Variants in RARB observed in about 807,000 individuals in gnomAD.
RARB encodes HBV-activated protein.
A neutral mutation model predicts 51.9 loss-of-function variants in RARB; 17 were observed. The ratio of observed to expected loss-of-function variants is 0.33; its 90% CI spans 0.22 to 0.49. RARB has a LOEUF of 0.49. Ranked by LOEUF, RARB falls within the 20% of genes least tolerant of loss-of-function variation. The pLI is 0.99. For synonymous variants in RARB, 215 were observed against 195.4 expected (o/e 1.10, Z -0.84); for missense variants, 369 against 550.8 (o/e 0.67, Z 3.30).
chr3:25,557,777 A>C (rs1575517433), intron 3 of RARB, among the ~76,000 whole-genome samples: 1 of 152,112 alleles, frequency 6.6e-6, no homozygotes, highest in East Asian at 1.9e-4. Flanking sequence ...TAATAAACTT[A>C]AAAGCCAAGT....
rs141198363 is a variant in RARB, at chr3:24,968,310, G to A, written c.-379-91815G>A. Among the ~76,000 whole-genome samples, 1,150 of 152,216 alleles carry A rather than the reference G, an allele frequency of 7.6e-3. 14 individuals carry two copies. The highest frequency in any genetic ancestry group is 0.013 in the Admixed American group (201 of 15,272). On this transcript the variant is annotated intron_variant, in intron 2 of 11. Transcript: ENST00000383772. ...TCCCTGAGGCAATGTTCCCTGTAATGACTGGGTACAAGATCTTCATTCTTT... is the reference window on the plus strand; with the variant it reads ...TCCCTGAGGCAATGTTCCCTGTAATAACTGGGTACAAGATCTTCATTCTTT...
At chr3:25,501,105 A>G (rs1697289251) in intron 2 of RARB, 77 bp from the exon 3 acceptor site, 3 of 1,483,550 alleles carry the variant, frequency 2.0e-6, no homozygotes, top group Non-Finnish European at 1.8e-6. Flanking sequence ...CAATTAATGC[A>G]TTGATAAGGT....
chr3:25,308,041 T>C (rs1039483914), intron 5 of RARB, among the ~76,000 whole-genome samples: 2 of 152,228 alleles, frequency 1.3e-5, no homozygotes, highest in Non-Finnish European at 2.9e-5. Context: ...AGGATTGTGT[T>C]CCTCTGAAAC....
intron 2 of RARB, among the ~76,000 whole-genome samples, chr3:24,912,960 C>T (rs1232910894): frequency 8.9e-6 from 1 of 112,320 alleles, no homozygotes; most frequent in African/African-American, 2.9e-5. Flanking sequence ...GCAATACGCA[C>T]ACAAGGTACT....
At chr3:25,432,847 C>G (rs1708263822) in intron 1 of RARB, among the ~76,000 whole-genome samples, 2 of 152,096 alleles carry the variant, frequency 1.3e-5, no homozygotes, top group Admixed American at 6.5e-5. Context: ...TTTTAAGTTA[C>G]TCTTTGGGCA....
chr3:25,225,831 G>A (rs552401931), intron 5 of RARB, among the ~76,000 whole-genome samples: 16 of 152,206 alleles, frequency 1.1e-4, no homozygotes, highest in African/African-American at 3.9e-4. Context: ...TCTTTGATTG[G>A]ACCTTAAAAA....
chr3:25,331,852 G>C (rs536138465), intron 5 of RARB, among the ~76,000 whole-genome samples: 177 of 152,164 alleles, frequency 1.2e-3, no homozygotes, highest in African/African-American at 3.6e-3. Flanking sequence ...TATCACCACC[G>C]ATCCCACAGA....
At chr3:25,130,234 T>C (rs1296689269) in intron 3 of RARB, among the ~76,000 whole-genome samples, 2 of 152,066 alleles carry the variant, frequency 1.3e-5, no homozygotes, top group South Asian at 2.1e-4. Context: ...CTTTTACACA[T>C]GGTTTTCACT....
chr3:24,970,396 G>A (rs1397456998), intron 2 of RARB, among the ~76,000 whole-genome samples: 2 of 151,988 alleles, frequency 1.3e-5, no homozygotes, highest in African/African-American at 4.8e-5. Flanking sequence ...AACCAGACAA[G>A]AAGACAATTC....
chr3:25,121,853 G>A (rs1056261766), intron 3 of RARB, among the ~76,000 whole-genome samples: 1 of 152,140 alleles, frequency 6.6e-6, no homozygotes, highest in African/African-American at 2.4e-5. Flanking sequence ...AAGACCATTT[G>A]GAGGTTCATT....
intron 4 of RARB, among the ~76,000 whole-genome samples, chr3:25,153,926 T>A (rs1407851934): frequency 6.6e-6 from 1 of 152,254 alleles, no homozygotes; most frequent in African/African-American, 2.4e-5. Context: ...GGAGCTCAGA[T>A]CCTGTTGACA....
At chr3:25,176,342 C>CTTCTTTCTTTCTTTCTTTCTTTCTTTCT (rs1559493189) in intron 5 of RARB, among the ~76,000 whole-genome samples, 2 of 52,360 alleles carry the variant, frequency 3.8e-5, no homozygotes, top group Non-Finnish European at 8.2e-5. Flanking sequence ...TCTTTCCTTC[C>CTTCTTTCTTTCTTTCTTTCTTTCTTTCT]TTCCTTCCTT....
intron 5 of RARB, among the ~76,000 whole-genome samples, chr3:25,593,193 G>A (rs1701681210): frequency 6.6e-6 from 1 of 151,192 alleles, no homozygotes; most frequent in Non-Finnish European, 1.5e-5. Flanking sequence ...CCAGCACCTG[G>A]CACAGTGCCT....
At chr3:25,582,802 C>CCTTGGTGAAGTTATTTAA (rs1187115690) in intron 5 of RARB, among the ~76,000 whole-genome samples, 1 of 152,098 alleles carries the variant, frequency 6.6e-6, no homozygotes, top group Non-Finnish European at 1.5e-5. Context: ...ATTTTTGTGA[C>CCTTGGTGAAGTTATTTAA]CTTGGTGAAG....
chr3:25,345,867 C>T (rs557882361), intron 5 of RARB: 1 of 907,830 alleles, frequency 1.1e-6, no homozygotes, highest in Admixed American at 6.2e-5. Flanking sequence ...TTTCTTAAAA[C>T]AACCACCACT....
intron 5 of RARB, among the ~76,000 whole-genome samples, chr3:25,331,526 G>T (rs1704895050): frequency 6.6e-6 from 1 of 152,216 alleles, no homozygotes. Context: ...ATGTAAAGCA[G>T]TGTGTAGAGA....
rs1311141301 is a variant in RARB at position 25,597,627 on chromosome 3, AATTAATAT to A, written c.*1012_*1019del. On this transcript the variant is annotated 3_prime_UTR_variant, in exon 8 of 8. Transcript: ENST00000330688. The stretch of plus-strand genomic sequence containing the variant: ...CCAGCCTTCTTGATGCCAAGGGGCT[AATTAATAT>A]TAACAACTCCCAAAGAAACAGGCAT... 1 of 146,804 alleles carries A rather than the reference AATTAATAT, an allele frequency of 6.8e-6. No individual in the cohort carries two copies. The highest frequency in any genetic ancestry group is 2.0e-4 in the East Asian group (1 of 5,108). 9.1% of individuals were successfully genotyped at this position (146,804 alleles called of 1,614,324 possible).
chr3:25,062,892 A>G (rs1488495496), intron 3 of RARB, among the ~76,000 whole-genome samples: 1 of 151,998 alleles, frequency 6.6e-6, no homozygotes, highest in Admixed American at 6.6e-5. Flanking sequence ...ATTCAATTGT[A>G]CATTTTAAAT....
chr3:25,264,180 T>G (rs1057259661), intron 5 of RARB, among the ~76,000 whole-genome samples: 9 of 152,176 alleles, frequency 5.9e-5, no homozygotes, highest in Non-Finnish European at 1.2e-4. Flanking sequence ...CCAATGATAT[T>G]TTTCACTGAA....
Sources: gnomAD v4.1 joint callset for allele counts (sites outside exome capture counted in the v4.1 genomes callset) on GRCh38, gnomAD v4.1.1 for gene constraint, MANE v1.5 for transcripts, NCBI Gene and HGNC (gene_info 2026-07-23, HGNC 2026-07-21) for gene names.